SYNE2: variants seen among roughly 807,000 people sequenced by gnomAD.
The protein encoded by SYNE2 is nesprin-2.
In SYNE2, 431 loss-of-function variants were observed where a neutral mutation model predicts 856.3. The ratio of observed to expected loss-of-function variants is 0.50; its 90% CI spans 0.47 to 0.55. The LOEUF is 0.55. SYNE2 is among the 20% of genes least tolerant of loss of function. SYNE2 has a pLI of 0.00. For missense variants in SYNE2, 8,129 were observed against 8,023.2 expected, an observed-to-expected ratio of 1.01 and a Z score of -0.50; for synonymous variants, 2,923 against 2,872.3, an observed-to-expected ratio of 1.02 and a Z score of -0.56.
chr14:63,766,837 TTAA>T (rs1886705444), intron 1 of SYNE2, among the ~76,000 whole-genome samples: 1 of 152,136 alleles, frequency 6.6e-6, no homozygotes, highest in African/African-American at 2.4e-5. Flanking sequence ...GCGGAATCAC[TTAA>T]TGATACTGGA....
In SYNE2 at chr14:64,126,776, A is replaced by C; in HGVS notation, c.13886A>C (p.Lys4629Thr). The C allele has an allele frequency of 6.2e-7, 1 of 1,613,516 alleles. No homozygotes were observed. The highest frequency in any genetic ancestry group is 1.3e-5 in the African/African-American group (1 of 75,058). ...GCTGTCTGTAGAAGCAAGTCCCTGA[A>C]AGCTGGCCTCGATTACAACCGCAGT... ...AAAVCRSKSL[K>T]AGLDYNRSYQ... The change falls in exon 73 of 116, where the codon AAA becomes ACA. Residue 4629 changes from lysine (K) to threonine (T), a missense_variant. Transcript: ENST00000555002.
intron 98 of SYNE2, among the ~76,000 whole-genome samples, chr14:64,189,462 C>T (rs1012254712): frequency 6.6e-6 from 1 of 152,154 alleles, no homozygotes; most frequent in Non-Finnish European, 1.5e-5. Flanking sequence ...ACCTAAAACA[C>T]CACCCAGTCA....
intron 1 of SYNE2, among the ~76,000 whole-genome samples, chr14:63,828,490 T>G (rs901227794): frequency 1.5e-4 from 22 of 151,632 alleles, no homozygotes; most frequent in Admixed American, 1.3e-3. Flanking sequence ...AATATAAAAA[T>G]TAGCCAGGCA....
chr14:64,030,133 T>G, intron 44 of SYNE2, 74 bp downstream of exon 44: 4 of 1,441,466 alleles, frequency 2.8e-6, no homozygotes, highest in Non-Finnish European at 3.9e-6. Context: ...GATTAATCAG[T>G]GTCCTCTGTC....
intron 45 of SYNE2, among the ~76,000 whole-genome samples, 161 bp from the exon 46 acceptor site, chr14:64,047,839 C>T (rs2097197188): frequency 6.6e-6 from 1 of 152,112 alleles, no homozygotes; most frequent in African/African-American, 2.4e-5. Context: ...CCAACATAGG[C>T]ATTATTATAT....
chr14:63,824,509 G>T (rs1487584207), intron 1 of SYNE2, among the ~76,000 whole-genome samples: 4 of 150,588 alleles, frequency 2.7e-5, no homozygotes, highest in Non-Finnish European at 5.9e-5. Context: ...TGTGGTGGCA[G>T]GTGCCTGTAA....
chr14:64,172,258 A>G (rs2098414889), intron 94 of SYNE2, among the ~76,000 whole-genome samples: 1 of 152,198 alleles, frequency 6.6e-6, no homozygotes, highest in South Asian at 2.1e-4. Context: ...GACACTCATC[A>G]TTCTGTCTCG....
chr14:63,867,526 T>G (rs1165791722), intron 1 of SYNE2, among the ~76,000 whole-genome samples: 2 of 150,910 alleles, frequency 1.3e-5, no homozygotes, highest in Non-Finnish European at 3.0e-5. Context: ...GGCTAAACCT[T>G]GTCTCTACTA....
At chr14:64,015,251 A>G (rs180879910) in intron 32 of SYNE2, among the ~76,000 whole-genome samples, 7 of 151,596 alleles carry the variant, frequency 4.6e-5, no homozygotes, top group African/African-American at 1.7e-4. Flanking sequence ...TTTCCAGGAG[A>G]GATTGTACAT....
intron 45 of SYNE2, among the ~76,000 whole-genome samples, chr14:64,040,367 TAAGG>T (rs1368485103): frequency 1.3e-5 from 2 of 151,724 alleles, no homozygotes; most frequent in African/African-American, 4.8e-5. Flanking sequence ...ATTGAAATCA[TAAGG>T]AAAGAATACA....
chr14:64,134,396 G>A (rs757850771), intron 78 of SYNE2, among the ~76,000 whole-genome samples, 196 bp downstream of exon 78: 10 of 152,144 alleles, frequency 6.6e-5, no homozygotes, highest in Non-Finnish European at 1.0e-4. Flanking sequence ...TCTGGCTTGG[G>A]GGAGAGGACC....
chr14:63,812,332 AC>A (rs1888645614), intron 1 of SYNE2, among the ~76,000 whole-genome samples: 1 of 152,148 alleles, frequency 6.6e-6, no homozygotes, highest in African/African-American at 2.4e-5. Context: ...ATTCTGCCCA[AC>A]CCTGCAGGCA....
chr14:64,174,003 C>T (rs569855880), intron 94 of SYNE2: 12 of 648,818 alleles, frequency 1.8e-5, no homozygotes, highest in South Asian at 1.0e-4. Context: ...GGAGCAGTCA[C>T]GGAGCTGTAA....
intron 108 of SYNE2, among the ~76,000 whole-genome samples, chr14:64,217,147 A>C (rs2098670380): frequency 6.6e-6 from 1 of 152,192 alleles, no homozygotes; most frequent in African/African-American, 2.4e-5. Context: ...ATGGTACCTG[A>C]GGCACTTCGC....
At chr14:63,946,443 T>G (rs1196710556) in intron 6 of SYNE2, among the ~76,000 whole-genome samples, 1 of 150,918 alleles carries the variant, frequency 6.6e-6, no homozygotes, top group Non-Finnish European at 1.5e-5. Flanking sequence ...AACATACACA[T>G]ACACATATAT....
intron 78 of SYNE2, among the ~76,000 whole-genome samples, chr14:64,136,423 C>T (rs1184498307): frequency 1.4e-5 from 2 of 145,454 alleles, no homozygotes; most frequent in Admixed American, 6.9e-5. Flanking sequence ...TGCTCAGACA[C>T]GGGGGGGAGG....
intron 79 of SYNE2, among the ~76,000 whole-genome samples, chr14:64,139,008 G>T (rs374495939): frequency 6.6e-6 from 1 of 150,814 alleles, no homozygotes; most frequent in East Asian, 1.9e-4. Context: ...TTTTGAGACA[G>T]GGTCTCACTG....
At chr14:63,976,087 G>T (rs754451418) in intron 11 of SYNE2, among the ~76,000 whole-genome samples, 1 of 152,184 alleles carries the variant, frequency 6.6e-6, no homozygotes, top group African/African-American at 2.4e-5. Context: ...TGGTGCTTTC[G>T]TGAAGGACAG....
At chr14:63,839,735 A>G (rs1889984114) in intron 1 of SYNE2, among the ~76,000 whole-genome samples, 1 of 152,164 alleles carries the variant, frequency 6.6e-6, no homozygotes, top group African/African-American at 2.4e-5. Flanking sequence ...TAAAGATTTT[A>G]AAAAATAGAT....
Sources: gnomAD v4.1 joint callset for allele counts (sites outside exome capture counted in the v4.1 genomes callset) on GRCh38, gnomAD v4.1.1 for gene constraint, MANE v1.5 for transcripts, NCBI Gene and HGNC (gene_info 2026-07-23, HGNC 2026-07-21) for gene names.